MMRN1: variants seen among roughly 807,000 people sequenced by gnomAD.
MMRN1 encodes the protein multimerin-1.
MMRN1 carries 94 observed loss-of-function variants against 100.7 expected under a neutral mutation model. The ratio of observed to expected loss-of-function variants is 0.93; its 90% confidence interval spans 0.79 to 1.11. MMRN1 has a LOEUF of 1.11. Among genes scored for constraint, MMRN1 ranks in the 50% least tolerant of loss-of-function variants. The pLI, the probability that MMRN1 is intolerant of heterozygous loss-of-function variation, is 0.00. For synonymous variants in MMRN1, 575 were observed against 505.0 expected, an observed-to-expected ratio of 1.14 and a Z score of -1.86; for missense variants, 1,606 against 1,439.1, an observed-to-expected ratio of 1.12 and a Z score of -1.88.
intron 6 of MMRN1, among the ~76,000 whole-genome samples, chr4:89,938,799 T>C (rs1409384508): frequency 1.3e-5 from 2 of 152,036 alleles, no homozygotes; most frequent in Non-Finnish European, 2.9e-5. Context: ...GAACTTTTTA[T>C]GTTCCTGTCT....
chr4:89,911,500 G>A (rs1366293873), intron 2 of MMRN1, among the ~76,000 whole-genome samples: 4 of 151,228 alleles, frequency 2.6e-5, no homozygotes, highest in African/African-American at 9.7e-5. Context: ...ATTAGATCAC[G>A]AATATCCAAT....
At chr4:89,923,137 C>T in intron 3 of MMRN1, 31 bp from the exon 4 acceptor site, 2 of 1,577,668 alleles carry the variant, frequency 1.3e-6, no homozygotes, top group South Asian at 2.2e-5. Flanking sequence ...CAGTGCTTAA[C>T]TGTCTCTCTT....
chr4:89,930,420 T>G (rs1012036309), intron 5 of MMRN1, among the ~76,000 whole-genome samples: 1 of 152,090 alleles, frequency 6.6e-6, no homozygotes, highest in Non-Finnish European at 1.5e-5. Context: ...TGTGCTGAGT[T>G]TTTGCTTATT....
chr4:89,940,498 T>C (rs1488037451), intron 6 of MMRN1, among the ~76,000 whole-genome samples: 1 of 151,974 alleles, frequency 6.6e-6, no homozygotes, highest in Non-Finnish European at 1.5e-5. Flanking sequence ...AATATTTAAC[T>C]GTCTTATATC....
In MMRN1 at chr4:89,953,457, C is replaced by A. The variant is rs1211539842; in HGVS notation, c.*39C>A. On this transcript the variant is annotated 3_prime_UTR_variant, in exon 8 of 8. Coordinates refer to ENST00000264790, the MANE Select transcript of MMRN1 (RefSeq NM_007351.3). ...ACAGACTATCACCTTTATTGAGAAA[C>A]AGCCAGTGTTTTCATTTATCTTTGC... 1 of 1,512,610 alleles carries A rather than the reference C, an allele frequency of 6.6e-7. No homozygotes were observed. The highest frequency in any genetic ancestry group is 8.9e-7 in the Non-Finnish European group (1 of 1,129,262). The allele number at this position is 1,512,610 out of a possible 1,614,324, so 93.7% of individuals were successfully genotyped here.
At chr4:89,929,529 A>T (rs532372766) in intron 5 of MMRN1, among the ~76,000 whole-genome samples, 5 of 152,096 alleles carry the variant, frequency 3.3e-5, no homozygotes, top group Admixed American at 6.6e-5. Context: ...TATGTAATTG[A>T]CTATAACCAT....
intron 5 of MMRN1, among the ~76,000 whole-genome samples, chr4:89,932,423 C>T (rs968088651): frequency 3.9e-5 from 6 of 152,158 alleles, no homozygotes; most frequent in Admixed American, 3.9e-4. Context: ...GAGAGTAGCC[C>T]TCTTCTCACA....
At chr4:89,912,118 G>A (rs1721773651) in intron 3 of MMRN1, 68 bp downstream of exon 3, 4 of 1,130,670 alleles carry the variant, frequency 3.5e-6, no homozygotes, top group Non-Finnish European at 5.0e-6. Context: ...GAAAAGAATA[G>A]CATTTCCCCT....
chr4:89,936,711 A>G lies in MMRN1; in HGVS notation c.3031A>G (p.Ile1011Val). ...QKQVKSLPKK[I>V]NALKKPTVNL... The stretch of plus-strand genomic sequence containing the variant: ...GCAAGTAAAATCATTGCCAAAGAAA[A>G]TTAACGCACTTAAGAAACCAACGGT... The change falls in exon 6 of 8, where the codon ATT becomes GTT. Residue 1011 changes from isoleucine (I) to valine (V), a missense_variant. By Grantham distance (29) the Ile-to-Val change is conservative (BLOSUM62 3). Coordinates refer to ENST00000264790, the MANE Select transcript of MMRN1 (RefSeq NM_007351.3). 1.2e-6 allele frequency: 2 copies of G among 1,613,558 alleles called. No homozygotes were observed. Among genetic ancestry groups the G allele is most frequent in the Non-Finnish European group, 1.7e-6 (2 of 1,179,660 alleles).
intron 4 of MMRN1, among the ~76,000 whole-genome samples, chr4:89,926,670 G>C (rs141674537): frequency 0.016 from 2,368 of 152,196 alleles, 73 homozygotes; most frequent in African/African-American, 0.053. Context: ...TTGAGTGCCT[G>C]TGGTTGTGGG....
chr4:89,902,283 A>G lies in MMRN1; in HGVS notation c.623+6689A>G, dbSNP rs1213458595. On this transcript the variant is annotated intron_variant, in intron 1 of 7. Transcript: ENST00000264790. ...ATGGCACATGTATACATATGTAACT[A>G]ACCTGCACAATGTGCACATGTACCC... Among the ~76,000 whole-genome samples, 19 of 151,820 alleles carry G rather than the reference A, an allele frequency of 1.3e-4. 1 individual carries two copies.
At chr4:89,896,139 T>C (rs1003125592) in intron 1 of MMRN1, among the ~76,000 whole-genome samples, 1 of 152,102 alleles carries the variant, frequency 6.6e-6, no homozygotes, top group African/African-American at 2.4e-5. Flanking sequence ...TTTCTTCATA[T>C]GGAAACTACA....
At chr4:89,894,654 G>A (rs1304234913), upstream of MMRN1, 1 of 207,740 alleles carries the variant, frequency 4.8e-6, no homozygotes, top group Admixed American at 5.4e-5. Context: ...CTCAGGAAAA[G>A]AAAGTTACTT....
Position 89,935,445 on chromosome 4 carries a change from A to G in MMRN1, c.1765A>G (p.Arg589Gly). 1 of 1,613,540 alleles carries G rather than the reference A, an allele frequency of 6.2e-7. No homozygotes were observed. The highest frequency in any genetic ancestry group is 8.5e-7 in the Non-Finnish European group (1 of 1,179,748). ...TTTGGAGATGGAGAAAGAGTCTCTC[A>G]GAGGTGAATGTGAAGACATGTTATC... ...VSLEMEKESL[R>G]GECEDMLSKC... The change falls in exon 6 of 8, where the codon AGA becomes GGA. Residue 589 changes from arginine to glycine, a missense_variant. Physicochemically the swap from Arg to Gly is moderately radical, Grantham distance 125. Transcript: ENST00000264790.
intron 6 of MMRN1, among the ~76,000 whole-genome samples, chr4:89,938,286 A>G (rs1275543288): frequency 6.6e-6 from 1 of 151,348 alleles, no homozygotes; most frequent in East Asian, 1.9e-4. Flanking sequence ...ATTTAGACGT[A>G]TATGTTTCCC....
intron 2 of MMRN1, among the ~76,000 whole-genome samples, chr4:89,910,772 G>A (rs1279481073): frequency 6.6e-6 from 1 of 151,356 alleles, no homozygotes; most frequent in Non-Finnish European, 1.5e-5. Flanking sequence ...GGATCTTGTA[G>A]CTCATTTTGC....
chr4:89,922,223 G>A (rs568005754), intron 3 of MMRN1, among the ~76,000 whole-genome samples: 47 of 152,142 alleles, frequency 3.1e-4, no homozygotes, highest in African/African-American at 1.1e-3. Flanking sequence ...TCCTGCCTCA[G>A]CCTCCCAAGT....
chr4:89,903,528 TGAGG>T (rs1721456738), intron 1 of MMRN1, among the ~76,000 whole-genome samples: 1 of 151,754 alleles, frequency 6.6e-6, no homozygotes, highest in African/African-American at 2.4e-5. Context: ...TCTTTGTATC[TGAGG>T]CAAAAAAATA....
chr4:89,895,127 G>T lies in MMRN1; in HGVS notation c.156G>T (p.Leu52Phe), dbSNP rs1721149801. ...ASVPPNKIQSLQILPTTRVMS... is the reference protein window; with the variant it reads ...ASVPPNKIQSFQILPTTRVMS... ...TTCCTCCAAATAAAATACAAAGTTT[G>T]CAAATACTGCCAACCACTCGGGTCA... The change falls in exon 1 of 8, where the codon TTG (leucine) becomes TTT (phenylalanine). Residue 52 changes from leucine to phenylalanine, a missense_variant. Coordinates refer to ENST00000264790, the MANE Select transcript of MMRN1 (RefSeq NM_007351.3). 6.2e-7 allele frequency: 1 copy of T among 1,613,704 alleles called. No homozygotes were observed. Among genetic ancestry groups the T allele is most frequent in the Non-Finnish European group, 8.5e-7 (1 of 1,179,904 alleles).
Sources: allele counts gnomAD v4.1 joint callset (sites outside exome capture counted in the v4.1 genomes callset), GRCh38; gene constraint gnomAD v4.1.1; transcripts MANE v1.5; gene names NCBI Gene and HGNC (gene_info 2026-07-23, HGNC 2026-07-21).